BRIP1: variants seen among roughly 807,000 people sequenced by gnomAD.
The protein encoded by BRIP1 is Fanconi anemia group J protein.
Under a neutral mutation model 119.7 loss-of-function variants are expected in BRIP1, and 88 were observed. That is an observed-to-expected ratio of 0.74 (90% CI 0.62 to 0.88). The LOEUF (loss-of-function observed/expected upper bound fraction) is 0.88, where lower values mean the gene tolerates loss of function less well. Among genes scored for constraint, BRIP1 ranks in the 40% least tolerant of loss-of-function variants. The probability of loss-of-function intolerance (pLI) is 0.00; values close to 1 mark genes in which losing one functional copy is unlikely to be tolerated. For synonymous variants in BRIP1, 443 were observed against 496.5 expected (o/e 0.89, Z 1.43); for missense variants, 1,259 against 1,455.4 (o/e 0.87, Z 2.20).
In BRIP1 at chr17:61,685,921, C is replaced by T. The variant is rs786201396; in HGVS notation, c.2820G>A (p.Lys940=). 1.9e-6 allele frequency: 3 copies of T among 1,613,944 alleles called. No homozygotes were observed. The highest frequency in any genetic ancestry group is 1.7e-5 in the Admixed American group (1 of 60,004). Residue 940 remains lysine, a synonymous_variant, in exon 19 of 20, where the codon AAG becomes AAA. Transcript: ENST00000259008. ...SPENFVEDEA[K]ICVQELQCPK... is the part of the protein sequence containing the mutation. Reference sequence around the variant, plus strand: ...GACACTGTAGTTCCTGGACACATATCTTTGCTTCATCTTCCACAAAATTTT... The same window carrying T: ...GACACTGTAGTTCCTGGACACATATTTTTGCTTCATCTTCCACAAAATTTT...
chr17:61,720,796 T>C lies in BRIP1; in HGVS notation c.2380-4733A>G, dbSNP rs1009433894. Among the ~76,000 whole-genome samples the C allele has an allele frequency of 6.6e-6, 1 of 152,210 alleles. No homozygotes were observed. Among genetic ancestry groups the C allele is most frequent in the African/African-American group, 2.4e-5 (1 of 41,458 alleles). ...ATAATACTTTACTAAATTGTAAACC[T>C]ACTCAAGAAAAAACAAAGTATTTTC... On this transcript the variant is annotated intron_variant, in intron 16 of 19. Transcript: ENST00000259008. The surrounding 1 kb of genome is among the most constrained non-coding windows in gnomAD (Gnocchi z 4.3).
rs770598226 is a variant in BRIP1 at position 61,789,906 on chromosome 17, G to A, written c.1473+3691C>T. ...GAGTCATTTTTCTTTGTGCCATTCT[G>A]TATTTTCCAGTTTTTTTCCCTTGAC... On this transcript the variant is annotated intron_variant, in intron 10 of 19. Transcript: ENST00000259008. The surrounding 1 kb of genome is among the most constrained non-coding windows in gnomAD (Gnocchi z 4.8). Among the ~76,000 whole-genome samples, 35 of 152,050 alleles carry A rather than the reference G, an allele frequency of 2.3e-4. No individual in the cohort carries two copies. The highest frequency in any genetic ancestry group is 3.5e-4 in the Non-Finnish European group (24 of 67,980).
intron 4 of BRIP1, among the ~76,000 whole-genome samples, chr17:61,850,716 T>A (rs1305626115): frequency 6.6e-6 from 1 of 151,802 alleles, no homozygotes; most frequent in African/African-American, 2.4e-5. Flanking sequence ...TAATCCCAGC[T>A]ACTCGGGAGG....
chr17:61,826,748 A>C (rs1262830109), intron 6 of BRIP1, among the ~76,000 whole-genome samples: 1 of 150,188 alleles, frequency 6.7e-6, no homozygotes, highest in African/African-American at 2.4e-5. Flanking sequence ...AAAAAAAAAA[A>C]AAAAAAAAAC....
rs1415687703 is a variant in BRIP1 at position 61,735,706 on chromosome 17, T to G, written c.2379+7307A>C. The stretch of plus-strand genomic sequence containing the variant: ...GTGCCAGCTACCCAGGAGGCTGAGG[T>G]GGGAGGATCACCTGAGCCCGAGAGG... On this transcript the variant is annotated intron_variant, in intron 16 of 19. Transcript: ENST00000259008. This position sits in a 1 kb window ranked among gnomAD's most constrained non-coding sequence, Gnocchi z 4.4. 6.7e-6 allele frequency among the ~76,000 whole-genome samples: 1 copy of G among 150,004 alleles called. No individual in the cohort carries two copies. The highest frequency in any genetic ancestry group is 2.5e-5 in the African/African-American group (1 of 40,636).
At position 61,744,500 on chromosome 17, in the gene BRIP1, C is replaced by T. The variant is rs748616469; in HGVS notation, c.2189G>A (p.Gly730Glu). The T allele has an allele frequency of 5.6e-6, 9 of 1,613,722 alleles. No individual in the cohort carries two copies. In the African/African-American group the frequency reaches 6.7e-5, roughly 12 times the overall value. The change falls in exon 15 of 20, where the codon GGA (glycine) becomes GAA (glutamate). Residue 730 changes from glycine to glutamate, a missense_variant. Transcript: ENST00000259008. The surrounding 1 kb of genome is among the most constrained non-coding windows in gnomAD (Gnocchi z 5.0). Reference sequence around the variant, plus strand: ...TAATTCATCAAAATTTGTTTTTTCTCCTCCCTGTGGTTCTACAATGACTGT... The same window carrying T: ...TAATTCATCAAAATTTGTTTTTTCTTCTCCCTGTGGTTCTACAATGACTGT... ...VKTVIVEPQG[G>E]EKTNFDELLQ...
chr17:61,757,293 T>C lies in BRIP1; in HGVS notation c.2098-12702A>G, dbSNP rs1390189790. Among the ~76,000 whole-genome samples the C allele has an allele frequency of 6.6e-6, 1 of 152,190 alleles. No individual in the cohort carries two copies. The highest frequency in any genetic ancestry group is 2.4e-5 in the African/African-American group (1 of 41,448). ...GAAACAGCTTCCTGTTTGGTGATAT[T>C]TGACTCAGCACTTTCACCTCAAGAG... On this transcript the variant is annotated intron_variant, in intron 14 of 19. Transcript: ENST00000259008. The surrounding 1 kb of genome is among the most constrained non-coding windows in gnomAD (Gnocchi z 4.3).
In BRIP1 at chr17:61,828,812, A is replaced by T. The variant is rs543139310; in HGVS notation, c.627+18289T>A. On this transcript the variant is annotated intron_variant, in intron 6 of 19. Transcript: ENST00000259008. This position sits in a 1 kb window ranked among gnomAD's most constrained non-coding sequence, Gnocchi z 4.1. ...TGAGGGCTATGACAAATGTAGAAGT[A>T]AAATATTTGACAAAAATGGCACAAA... Among the ~76,000 whole-genome samples the T allele has an allele frequency of 6.6e-6, 1 of 152,322 alleles. No homozygotes were observed. Among genetic ancestry groups the T allele is most frequent in the African/African-American group, 2.4e-5 (1 of 41,588 alleles).
rs1158743642 is a variant in BRIP1, at chr17:61,720,321, GATCTA to G, written c.2380-4263_2380-4259del. Among the ~76,000 whole-genome samples the G allele has an allele frequency of 6.6e-6, 1 of 152,036 alleles. No homozygotes were observed. The highest frequency in any genetic ancestry group is 2.4e-5 in the African/African-American group (1 of 41,400). On this transcript the variant is annotated intron_variant, in intron 16 of 19. Coordinates refer to ENST00000259008, the MANE Select transcript of BRIP1 (RefSeq NM_032043.3). The surrounding 1 kb of genome is among the most constrained non-coding windows in gnomAD (Gnocchi z 4.3). ...AGATGACAGATACGCTAATTACCCT[GATCTA>G]ATCAATAAACATCATATGTATCAAA... is the stretch of plus-strand genomic sequence containing the variant.
Position 61,700,445 on chromosome 17 carries a change from C to A in BRIP1, c.2493-6933G>T, listed in dbSNP as rs2061596703. On this transcript the variant is annotated intron_variant, in intron 17 of 19. Coordinates refer to ENST00000259008, the MANE Select transcript of BRIP1 (RefSeq NM_032043.3). The surrounding 1 kb of genome is among the most constrained non-coding windows in gnomAD (Gnocchi z 4.1). ...GAATGTCTTAATTTTTACCTTATTT[C>A]TGAAGGACAGTTTTGTTAGATATAG... Among the ~76,000 whole-genome samples the A allele has an allele frequency of 3.9e-5, 6 of 152,076 alleles. No homozygotes were observed. Among genetic ancestry groups the A allele is most frequent in the Admixed American group, 2.6e-4 (4 of 15,280 alleles).
Position 61,693,637 on chromosome 17 carries a change from T to A in BRIP1, c.2493-125A>T. On this transcript the variant is annotated intron_variant, in intron 17 of 19. Transcript: ENST00000259008. The surrounding 1 kb of genome is among the most constrained non-coding windows in gnomAD (Gnocchi z 4.2). ...GATTCCTTTAAACAATTTGTTATTA[T>A]CAGAAAAGTTACAGAAGCTATCCAA... is the stretch of plus-strand genomic sequence containing the variant. 3 of 793,884 alleles carry A rather than the reference T, an allele frequency of 3.8e-6. No individual in the cohort carries two copies. The highest frequency in any genetic ancestry group is 6.2e-6 in the Non-Finnish European group (3 of 480,492). 49.2% of individuals were successfully genotyped at this position (793,884 alleles called of 1,614,324 possible).
intron 14 of BRIP1, among the ~76,000 whole-genome samples, chr17:61,765,059 C>T (rs1444375003): frequency 4.0e-5 from 6 of 151,600 alleles, no homozygotes; most frequent in Non-Finnish European, 8.8e-5. Context: ...CCTTTCACCT[C>T]GAGATGATGG....
In BRIP1 at chr17:61,857,369, C is replaced by A. The variant is rs2078913290; in HGVS notation, c.206-138G>T. 1.0e-5 allele frequency: 7 copies of A among 697,140 alleles called. No individual in the cohort carries two copies. The allele number at this position is 697,140 out of a possible 1,614,324, so 43.2% of individuals were successfully genotyped here. Reference sequence around the variant, plus strand: ...GGGCTAACACCAGGAAGGTACCTGGCAAACCTGGACAAGCTGGTCACTTTA... The same window carrying A: ...GGGCTAACACCAGGAAGGTACCTGGAAAACCTGGACAAGCTGGTCACTTTA... On this transcript the variant is annotated intron_variant, in intron 3 of 19. Transcript: ENST00000259008. This position sits in a 1 kb window ranked among gnomAD's most constrained non-coding sequence, Gnocchi z 5.1.
Position 61,682,360 on chromosome 17 carries a change from AT to A in BRIP1, c.*935del. On this transcript the variant is annotated 3_prime_UTR_variant, in exon 20 of 20. Transcript: ENST00000259008. The surrounding 1 kb of genome is among the most constrained non-coding windows in gnomAD (Gnocchi z 4.9). ...TATATAATACTAAGCAGGATCTAGT[AT>A]TTTTTTCCACAATGATGGTGAAGCT... 9.8e-6 allele frequency: 2 copies of A among 204,478 alleles called. No individual in the cohort carries two copies. The highest frequency in any genetic ancestry group is 1.5e-4 in the East Asian group (2 of 13,122). The allele number at this position is 204,478 out of a possible 1,614,324, so 12.7% of individuals were successfully genotyped here.
rs2078764619 is a variant in BRIP1, at chr17:61,848,317, T to C, written c.507+812A>G. Among the ~76,000 whole-genome samples, 1 of 152,012 alleles carries C rather than the reference T, an allele frequency of 6.6e-6. No individual in the cohort carries two copies. On this transcript the variant is annotated intron_variant, in intron 5 of 19. Transcript: ENST00000259008. This position sits in a 1 kb window ranked among gnomAD's most constrained non-coding sequence, Gnocchi z 4.3. ...CTCAGCCTCCCAAGTAGCTGGAAAGTAGTCTGTAGGGCTACATGTCTGATG... is the reference window on the plus strand; with the variant it reads ...CTCAGCCTCCCAAGTAGCTGGAAAGCAGTCTGTAGGGCTACATGTCTGATG...
At position 61,805,487 on chromosome 17, in the gene BRIP1, C is replaced by G. The variant is rs2078060977; in HGVS notation, c.918+2980G>C. ...TCAATGCCATCTTTGGATTTTGTTT[C>G]TAGTGTAACCAAAATAGCAATGGAT... On this transcript the variant is annotated intron_variant, in intron 7 of 19. Transcript: ENST00000259008. The surrounding 1 kb of genome is among the most constrained non-coding windows in gnomAD (Gnocchi z 5.6). 6.6e-6 allele frequency among the ~76,000 whole-genome samples: 1 copy of G among 152,092 alleles called. No homozygotes were observed.
chr17:61,862,624 C>T lies in BRIP1; in HGVS notation c.-31+660G>A, dbSNP rs558515082. Among the ~76,000 whole-genome samples, 6 of 152,204 alleles carry T rather than the reference C, an allele frequency of 3.9e-5. No individual in the cohort carries two copies. The highest frequency in any genetic ancestry group is 9.6e-5 in the African/African-American group (4 of 41,518). On this transcript the variant is annotated intron_variant, in intron 1 of 19. Transcript: ENST00000259008. This position sits in a 1 kb window ranked among gnomAD's most constrained non-coding sequence, Gnocchi z 5.3. ...ATTGCATTTTTCTGAAGAAAAAGTC[C>T]ATAGATTTCTCTTCCCGTAAATATA...
In BRIP1 at chr17:61,777,599, G is replaced by A. The variant is rs566841059; in HGVS notation, c.1936-1037C>T. On this transcript the variant is annotated intron_variant, in intron 13 of 19. Coordinates refer to ENST00000259008, the MANE Select transcript of BRIP1 (RefSeq NM_032043.3). ...AATTAATTTGGTAGAGCTGCTCACA[G>A]AACCCAGGGACACATTTACCTACAC... 2.8e-3 allele frequency among the ~76,000 whole-genome samples: 421 copies of A among 152,240 alleles called. 1 individual carries two copies. The highest frequency in any genetic ancestry group is 4.3e-3 in the Non-Finnish European group (290 of 68,012).
At chr17:61,714,079 G>T (rs1396297174) in intron 17 of BRIP1, among the ~76,000 whole-genome samples, 1 of 152,156 alleles carries the variant, frequency 6.6e-6, no homozygotes, top group Admixed American at 6.5e-5. Flanking sequence ...GGGAGGCTAA[G>T]GTGAGAGGAC....
Sources: allele counts gnomAD v4.1 joint callset (sites outside exome capture counted in the v4.1 genomes callset), GRCh38; gene constraint gnomAD v4.1.1; non-coding constraint Gnocchi (gnomAD v3.1); transcripts MANE v1.5; gene names NCBI Gene and HGNC (gene_info 2026-07-23, HGNC 2026-07-21).